The following DPF3 variants were observed in gnomAD, a reference collection of about 807,000 sequenced individuals.
The protein encoded by DPF3 is double PHD fingers 3, also known as zinc finger protein DPF3.
Under a neutral mutation model 56.8 loss-of-function variants are expected in DPF3, and 18 were observed. The ratio of observed to expected loss-of-function variants is 0.32; its 90% CI spans 0.22 to 0.47. DPF3 has a LOEUF of 0.47. Ranked by LOEUF, DPF3 falls within the 20% of genes least tolerant of loss-of-function variation. The pLI is 1.00. For synonymous variants in DPF3, 188 were observed against 180.2 expected, an observed-to-expected ratio of 1.04 and a Z score of -0.35; for missense variants, 403 against 488.8, an observed-to-expected ratio of 0.82 and a Z score of 1.65.
chr14:72,882,328 T>G (rs1886354809), intron 1 of DPF3, among the ~76,000 whole-genome samples: 1 of 152,212 alleles, frequency 6.6e-6, no homozygotes, highest in Admixed American at 6.5e-5. Flanking sequence ...CAGCTAGTTT[T>G]TGTGTGTAAA....
At chr14:72,817,677 C>T (rs759365396) in intron 1 of DPF3, among the ~76,000 whole-genome samples, 12 of 151,860 alleles carry the variant, frequency 7.9e-5, no homozygotes, top group Non-Finnish European at 1.5e-4. Context: ...GACACCACCT[C>T]ACAACAAAAA....
At chr14:72,757,732 T>C (rs1890896084) in intron 2 of DPF3, among the ~76,000 whole-genome samples, 1 of 152,202 alleles carries the variant, frequency 6.6e-6, no homozygotes, top group Non-Finnish European at 1.5e-5. Context: ...TGGGAGAATG[T>C]GTGTAGGTTA....
At chr14:72,640,233 A>C (rs1016267547) in intron 8 of DPF3, among the ~76,000 whole-genome samples, 6 of 152,086 alleles carry the variant, frequency 3.9e-5, no homozygotes, top group Admixed American at 1.3e-4. Context: ...AGAGCCTCTT[A>C]TGTAGGCATG....
At chr14:72,882,582 T>C (rs1886362806) in intron 1 of DPF3, among the ~76,000 whole-genome samples, 1 of 152,180 alleles carries the variant, frequency 6.6e-6, no homozygotes, top group South Asian at 2.1e-4. Flanking sequence ...GCATTTTAAT[T>C]AGGTGGACAG....
rs534357569 is a variant in DPF3 at position 72,690,885 on chromosome 14, C to T, written c.742+2191G>A. ...GAAGAAACACTTTTCAGGGAGCAAC[C>T]AAAATCAAAGGAGATTCTTCTCAGC... On this transcript the variant is annotated intron_variant, in intron 7 of 10. Transcript: ENST00000556509. 1.8e-3 allele frequency among the ~76,000 whole-genome samples: 268 copies of T among 152,274 alleles called. 1 individual carries two copies. The highest frequency in any genetic ancestry group is 2.8e-3 in the Non-Finnish European group (193 of 68,020).
intron 2 of DPF3, among the ~76,000 whole-genome samples, chr14:72,768,392 G>A (rs529758082): frequency 6.6e-6 from 1 of 152,322 alleles, no homozygotes; most frequent in Admixed American, 6.5e-5. Flanking sequence ...TAAATAATGA[G>A]TGTTGGGTGG....
chr14:72,709,616 G>A (rs1888568508), intron 6 of DPF3, among the ~76,000 whole-genome samples: 1 of 152,172 alleles, frequency 6.6e-6, no homozygotes, highest in African/African-American at 2.4e-5. Flanking sequence ...CAGGGTAGGA[G>A]AGCATATGTA....
chr14:72,776,134 T>G (rs1226947854), intron 1 of DPF3, among the ~76,000 whole-genome samples: 1 of 152,054 alleles, frequency 6.6e-6, no homozygotes, highest in African/African-American at 2.4e-5. Flanking sequence ...GGATCACACA[T>G]GGGACAGTCC....
intron 1 of DPF3, among the ~76,000 whole-genome samples, chr14:72,815,861 C>G (rs1055910185): frequency 1.3e-5 from 2 of 152,170 alleles, no homozygotes; most frequent in Non-Finnish European, 2.9e-5. Context: ...GACCCATGGC[C>G]CCTTCCTCCA....
At chr14:72,728,535 A>G (rs1378477127) in intron 4 of DPF3, among the ~76,000 whole-genome samples, 2 of 152,168 alleles carry the variant, frequency 1.3e-5, no homozygotes, top group Non-Finnish European at 2.9e-5. Flanking sequence ...TTTTCGATTT[A>G]TTTAGTGGGA....
At chr14:72,723,612 C>G in intron 5 of DPF3, 21 bp downstream of exon 5, 1 of 1,550,718 alleles carries the variant, frequency 6.4e-7, no homozygotes, top group Non-Finnish European at 8.6e-7. Context: ...TCTTTCCTCG[C>G]TCATGTCATC....
At chr14:72,756,425 C>T (rs116353621) in intron 2 of DPF3, among the ~76,000 whole-genome samples, 1,645 of 152,272 alleles carry the variant, frequency 0.011, 29 homozygotes, top group African/African-American at 0.038. Context: ...GCACATTGCA[C>T]AAGTTCAGCA....
intron 9 of DPF3, among the ~76,000 whole-genome samples, chr14:72,624,272 T>A (rs1884662263): frequency 6.6e-6 from 1 of 151,810 alleles, no homozygotes; most frequent in Non-Finnish European, 1.5e-5. Flanking sequence ...ACCATTGGTG[T>A]AATACTGTTA....
intron 1 of DPF3, among the ~76,000 whole-genome samples, chr14:72,814,122 G>A (rs764218050): frequency 7.9e-5 from 12 of 152,154 alleles, no homozygotes; most frequent in East Asian, 7.7e-4. Context: ...TGTTGCAGGC[G>A]ACGTGGCCCT....
chr14:72,779,837 T>G lies in DPF3; in HGVS notation c.33-7944A>C, dbSNP rs74060813. Among the ~76,000 whole-genome samples the G allele has an allele frequency of 3.2e-3, 483 of 152,340 alleles. 4 individuals are homozygous for G. The highest frequency in any genetic ancestry group is 0.011 in the African/African-American group (465 of 41,574). On this transcript the variant is annotated intron_variant, in intron 1 of 10. Transcript: ENST00000556509. Reference sequence around the variant, plus strand: ...TGTGATGCAACACTCACTATTGCGGTGTCCTTGAGGCTGTCGGGGACCCAC... The same window carrying G: ...TGTGATGCAACACTCACTATTGCGGGGTCCTTGAGGCTGTCGGGGACCCAC...
At chr14:72,667,604 C>A (rs1886493644) in intron 8 of DPF3, among the ~76,000 whole-genome samples, 1 of 152,186 alleles carries the variant, frequency 6.6e-6, no homozygotes, top group African/African-American at 2.4e-5. Flanking sequence ...ACAGCTCCTA[C>A]AATTCCTAAG....
chr14:72,887,698 T>C (rs2140133326), intron 1 of DPF3, among the ~76,000 whole-genome samples: 1 of 152,342 alleles, frequency 6.6e-6, no homozygotes, highest in Non-Finnish European at 1.5e-5. Context: ...CTCAAAGTTC[T>C]GTGTCCCAGA....
At chr14:72,631,449 T>G (rs1449094281) in intron 8 of DPF3, among the ~76,000 whole-genome samples, 1 of 152,176 alleles carries the variant, frequency 6.6e-6, no homozygotes, top group Non-Finnish European at 1.5e-5. Context: ...GAGAGAACAC[T>G]GGGATGGGTA....
intron 1 of DPF3, among the ~76,000 whole-genome samples, chr14:72,888,365 C>A (rs1046185996): frequency 3.3e-5 from 5 of 152,158 alleles, no homozygotes; most frequent in Non-Finnish European, 7.4e-5. Flanking sequence ...CTTCAAAAAC[C>A]TTCCCTCAGT....
Sources: gnomAD v4.1 joint callset for allele counts (sites outside exome capture counted in the v4.1 genomes callset) on GRCh38, gnomAD v4.1.1 for gene constraint, MANE v1.5 for transcripts, NCBI Gene and HGNC (gene_info 2026-07-23, HGNC 2026-07-21) for gene names.